Variants in DLG2 observed in about 807,000 individuals in gnomAD.
The protein encoded by DLG2 is disks large homolog 2.
Under a neutral mutation model 132.5 loss-of-function variants are expected in DLG2, and 45 were observed. The ratio of observed to expected loss-of-function variants is 0.34; its 90% CI spans 0.27 to 0.44. DLG2 has a LOEUF of 0.44. DLG2 is among the 20% of genes least tolerant of loss of function. The probability of loss-of-function intolerance (pLI) is 1.00; values close to 1 mark genes in which losing one functional copy is unlikely to be tolerated. For missense variants in DLG2, 1,045 were observed against 1,196.9 expected (o/e 0.87, Z 1.87); for synonymous variants, 424 against 419.6 (o/e 1.01, Z -0.13).
intron 8 of DLG2, among the ~76,000 whole-genome samples, chr11:84,237,412 A>T (rs1465268313): frequency 6.6e-6 from 1 of 152,190 alleles, no homozygotes; most frequent in South Asian, 2.1e-4. Flanking sequence ...CGTTCCTCTC[A>T]GCATGCCATT....
intron 15 of DLG2, among the ~76,000 whole-genome samples, chr11:83,874,973 A>G (rs1386687454): frequency 6.6e-6 from 1 of 152,194 alleles, no homozygotes; most frequent in African/African-American, 2.4e-5. Context: ...GCATAAAAAC[A>G]TACATTTCTT....
At chr11:84,542,932 G>A (rs1234940390) in intron 6 of DLG2, among the ~76,000 whole-genome samples, 4 of 93,934 alleles carry the variant, frequency 4.3e-5, no homozygotes, top group Admixed American at 4.0e-4. Flanking sequence ...TCTGCAGTCT[G>A]TACCCAGCAA....
intron 6 of DLG2, among the ~76,000 whole-genome samples, chr11:84,579,267 AG>A (rs1565355808): frequency 6.6e-6 from 1 of 151,898 alleles, no homozygotes; most frequent in Admixed American, 6.6e-5. Context: ...TAGTACAAAA[AG>A]GGTTCATGAT....
chr11:84,286,579 G>T (rs1217153967), intron 7 of DLG2, among the ~76,000 whole-genome samples: 1 of 152,140 alleles, frequency 6.6e-6, no homozygotes, highest in Non-Finnish European at 1.5e-5. Flanking sequence ...ATTTGAAAAT[G>T]AGAATTCTCT....
chr11:85,496,658 C>G (rs548260012), intron 3 of DLG2, among the ~76,000 whole-genome samples: 2 of 152,278 alleles, frequency 1.3e-5, no homozygotes, highest in Non-Finnish European at 2.9e-5. Flanking sequence ...CTGGGAGACA[C>G]CTCCCAGTAG....
chr11:84,612,924 G>A (rs1466995671), intron 6 of DLG2, among the ~76,000 whole-genome samples: 1 of 152,198 alleles, frequency 6.6e-6, no homozygotes, highest in Admixed American at 6.5e-5. Flanking sequence ...AAAAGATTTT[G>A]TTCATTCCAA....
At chr11:84,469,575 A>G (rs1185932135) in intron 7 of DLG2, among the ~76,000 whole-genome samples, 3 of 151,758 alleles carry the variant, frequency 2.0e-5, no homozygotes, top group African/African-American at 7.2e-5. Flanking sequence ...ATATTGTAGT[A>G]AATCAACATT....
rs552336633 is a variant in DLG2, at chr11:85,477,475, A to G, written c.40+121182T>C. Among the ~76,000 whole-genome samples the G allele has an allele frequency of 7.2e-5, 11 of 152,362 alleles. No homozygotes were observed. In the East Asian group the frequency reaches 1.9e-3, roughly 27 times the overall value. On this transcript the variant is annotated intron_variant, in intron 3 of 27. Coordinates refer to ENST00000376104, the MANE Select transcript of DLG2 (RefSeq NM_001142699.3). ...ATAGGTAATAACCATGTATTCTACT[A>G]CTACGGAAGATTACAGACATTAGAG...
At chr11:84,237,645 C>G (rs1203134784) in intron 8 of DLG2, among the ~76,000 whole-genome samples, 2 of 152,158 alleles carry the variant, frequency 1.3e-5, no homozygotes, top group Non-Finnish European at 2.9e-5. Context: ...TAAAGTTCAT[C>G]AAAGTTCATC....
At chr11:84,339,983 G>A (rs1438285911) in intron 7 of DLG2, among the ~76,000 whole-genome samples, 1 of 152,178 alleles carries the variant, frequency 6.6e-6, no homozygotes, top group Non-Finnish European at 1.5e-5. Flanking sequence ...GATTAGGCTT[G>A]TGTGTGCATG....
At chr11:84,516,058 T>C (rs1488262515) in intron 7 of DLG2, among the ~76,000 whole-genome samples, 1 of 151,104 alleles carries the variant, frequency 6.6e-6, no homozygotes. Flanking sequence ...GAGCACAATA[T>C]ACAAAAACCG....
At chr11:83,641,529 T>C (rs761150021) in intron 18 of DLG2, among the ~76,000 whole-genome samples, 7 of 152,182 alleles carry the variant, frequency 4.6e-5, no homozygotes, top group Non-Finnish European at 8.8e-5. Context: ...TACTTTAGGC[T>C]TTAGAGGTAC....
chr11:84,252,390 C>T (rs546337794), intron 7 of DLG2, among the ~76,000 whole-genome samples: 1 of 151,928 alleles, frequency 6.6e-6, no homozygotes, highest in African/African-American at 2.4e-5. Context: ...CCTCGTGATT[C>T]GCCCGCCTCA....
At chr11:83,664,686 G>C (rs1002715016) in intron 18 of DLG2, among the ~76,000 whole-genome samples, 2 of 152,132 alleles carry the variant, frequency 1.3e-5, no homozygotes, top group Non-Finnish European at 1.5e-5. Context: ...AAAAGCATAA[G>C]GTTAAAGAGT....
chr11:84,899,168 C>T (rs953545933), intron 6 of DLG2, among the ~76,000 whole-genome samples: 4 of 151,910 alleles, frequency 2.6e-5, no homozygotes, highest in Admixed American at 1.3e-4. Context: ...AACATCAAAA[C>T]CTATGAAAAA....
chr11:84,496,760 C>CTCACGGT (rs1234076519), intron 7 of DLG2, among the ~76,000 whole-genome samples: 1 of 151,788 alleles, frequency 6.6e-6, no homozygotes, highest in Non-Finnish European at 1.5e-5. Context: ...ATTTTGTTTC[C>CTCACGGT]TCACGGTTCA....
chr11:83,912,015 TAAAAC>T (rs1245029322), intron 15 of DLG2, among the ~76,000 whole-genome samples: 1 of 151,594 alleles, frequency 6.6e-6, no homozygotes, highest in African/African-American at 2.4e-5. Flanking sequence ...CAGCAACAAA[TAAAAC>T]ACAAGAGCAA....
intron 18 of DLG2, among the ~76,000 whole-genome samples, chr11:83,673,483 C>T (rs892213949): frequency 2.6e-5 from 4 of 152,106 alleles, no homozygotes; most frequent in Admixed American, 2.6e-4. Context: ...GCTAGTGGGG[C>T]AACTGAAGCA....
At chr11:84,079,278 G>GT (rs34283629) in intron 10 of DLG2, among the ~76,000 whole-genome samples, 98,187 of 147,192 alleles carry the variant, frequency 0.67, 34,252 homozygotes, top group Middle Eastern at 0.81. Context: ...TTTTTGGTTT[G>GT]TTTTTTTTTT....
Sources: allele counts gnomAD v4.1 joint callset (sites outside exome capture counted in the v4.1 genomes callset), GRCh38; gene constraint gnomAD v4.1.1; transcripts MANE v1.5; gene names NCBI Gene and HGNC (gene_info 2026-07-23, HGNC 2026-07-21).